NKAIN2: variants seen among roughly 807,000 people sequenced by gnomAD.
The protein encoded by NKAIN2 is sodium/potassium transporting ATPase interacting 2.
A neutral mutation model predicts 32.6 loss-of-function variants in NKAIN2; 14 were observed. The observed-to-expected ratio is 0.43, with a 90% confidence interval of 0.28 to 0.67. The LOEUF (loss-of-function observed/expected upper bound fraction) is 0.67, where lower values mean the gene tolerates loss of function less well. Ranked by LOEUF, NKAIN2 falls within the 30% of genes least tolerant of loss-of-function variation. The pLI, the probability that NKAIN2 is intolerant of heterozygous loss-of-function variation, is 0.17. For missense variants in NKAIN2, 198 were observed against 258.3 expected, an observed-to-expected ratio of 0.77 and a Z score of 1.60; for synonymous variants, 80 against 87.2, an observed-to-expected ratio of 0.92 and a Z score of 0.46.
At chr6:124,101,107 T>C (rs1277955699) in intron 1 of NKAIN2, among the ~76,000 whole-genome samples, 1 of 152,176 alleles carries the variant, frequency 6.6e-6, no homozygotes, top group Non-Finnish European at 1.5e-5. Context: ...TATGTATGTA[T>C]TTCAAAAAGC....
chr6:124,348,925 A>G (rs79086975), intron 2 of NKAIN2, among the ~76,000 whole-genome samples: 3,654 of 152,116 alleles, frequency 0.024, 88 homozygotes, highest in Non-Finnish European at 0.034. Flanking sequence ...GGCTTAAAAA[A>G]CGGTGCACCA....
At chr6:124,689,999 G>A (rs140985182) in intron 4 of NKAIN2, among the ~76,000 whole-genome samples, 12 of 152,112 alleles carry the variant, frequency 7.9e-5, no homozygotes, top group African/African-American at 2.7e-4. Context: ...ATAATGTGCT[G>A]GCATTTCTAT....
At chr6:124,426,107 T>C (rs1048773832) in intron 3 of NKAIN2, among the ~76,000 whole-genome samples, 35 of 152,204 alleles carry the variant, frequency 2.3e-4, no homozygotes, top group Non-Finnish European at 4.4e-4. Flanking sequence ...ATGTAGCTGA[T>C]TGTATTTTCC....
In NKAIN2 at chr6:124,824,776, A is replaced by G. The variant is rs1781523454; in HGVS notation, c.*1547A>G. 1 of 152,220 alleles carries G rather than the reference A, an allele frequency of 6.6e-6. No homozygotes were observed. The highest frequency in any genetic ancestry group is 6.5e-5 in the Admixed American group (1 of 15,280). The allele number at this position is 152,220 out of a possible 1,614,324, so 9.4% of individuals were successfully genotyped here. ...GGAGCAAGTTTTTTCTTTGATTTCT[A>G]TGAAGTTTCAGTTATTGGATTAAAC... On this transcript the variant is annotated 3_prime_UTR_variant, in exon 7 of 7. Coordinates refer to ENST00000368417, the MANE Select transcript of NKAIN2 (RefSeq NM_001040214.3).
At chr6:124,350,932 T>C (rs2115127620) in intron 2 of NKAIN2, among the ~76,000 whole-genome samples, 1 of 152,228 alleles carries the variant, frequency 6.6e-6, no homozygotes, top group Admixed American at 6.5e-5. Flanking sequence ...AAGGCTGCAG[T>C]GAGCTATGAT....
chr6:124,009,494 C>T (rs1562306149), intron 1 of NKAIN2, among the ~76,000 whole-genome samples: 2 of 152,208 alleles, frequency 1.3e-5, no homozygotes, highest in Non-Finnish European at 1.5e-5. Context: ...TGGCGGCTTA[C>T]GATGTGGCAG....
At chr6:123,847,045 A>G (rs191386231) in intron 1 of NKAIN2, among the ~76,000 whole-genome samples, 3 of 152,340 alleles carry the variant, frequency 2.0e-5, no homozygotes, top group Admixed American at 1.3e-4. Flanking sequence ...TCAGAATTTT[A>G]TGTCTTGGTT....
intron 1 of NKAIN2, among the ~76,000 whole-genome samples, chr6:124,125,847 C>T (rs550857298): frequency 4.6e-5 from 7 of 152,258 alleles, no homozygotes; most frequent in African/African-American, 1.4e-4. Context: ...TTTCACCTCA[C>T]TACTCTCCCC....
chr6:123,929,922 A>G (rs909675081), intron 1 of NKAIN2, among the ~76,000 whole-genome samples: 7 of 152,208 alleles, frequency 4.6e-5, no homozygotes, highest in South Asian at 2.1e-4. Context: ...ATTTTGGAGC[A>G]TTTTGGATTT....
At chr6:124,780,482 A>G (rs1000220052) in intron 4 of NKAIN2, among the ~76,000 whole-genome samples, 1 of 152,188 alleles carries the variant, frequency 6.6e-6, no homozygotes, top group Non-Finnish European at 1.5e-5. Flanking sequence ...TTTGTTGGAC[A>G]GAGAAATGCC....
intron 3 of NKAIN2, among the ~76,000 whole-genome samples, chr6:124,449,746 A>G (rs554142043): frequency 4.4e-4 from 67 of 152,202 alleles, no homozygotes; most frequent in Non-Finnish European, 8.4e-4. Context: ...AGTTTTGTTG[A>G]AGGCATTTAG....
intron 2 of NKAIN2, among the ~76,000 whole-genome samples, chr6:124,331,775 A>G (rs1451467328): frequency 6.6e-6 from 1 of 152,206 alleles, no homozygotes; most frequent in African/African-American, 2.4e-5. Context: ...ATCCAAAACC[A>G]TGACCTCATT....
intron 1 of NKAIN2, among the ~76,000 whole-genome samples, chr6:123,892,688 T>A (rs551034770): frequency 6.6e-6 from 1 of 152,006 alleles, no homozygotes; most frequent in South Asian, 2.1e-4. Flanking sequence ...ACATACTTTT[T>A]AAATATTCAT....
chr6:124,037,572 A>G (rs1781660837), intron 1 of NKAIN2, among the ~76,000 whole-genome samples: 2 of 152,244 alleles, frequency 1.3e-5, no homozygotes, highest in African/African-American at 4.8e-5. Flanking sequence ...ATGGAATCAA[A>G]TTGGATTAAG....
At chr6:124,151,051 C>A (rs1787690055) in intron 1 of NKAIN2, among the ~76,000 whole-genome samples, 1 of 151,918 alleles carries the variant, frequency 6.6e-6, no homozygotes, top group Admixed American at 6.6e-5. Flanking sequence ...TTGAAATAAA[C>A]CCTTTGTCAT....
At chr6:124,368,345 T>A (rs1799610266) in intron 3 of NKAIN2, among the ~76,000 whole-genome samples, 1 of 152,176 alleles carries the variant, frequency 6.6e-6, no homozygotes, top group Non-Finnish European at 1.5e-5. Context: ...TTTCCCTGCA[T>A]AAGATCTAGA....
intron 5 of NKAIN2, among the ~76,000 whole-genome samples, chr6:124,814,958 A>C (rs1582572301): frequency 6.6e-6 from 1 of 151,890 alleles, no homozygotes; most frequent in Admixed American, 6.6e-5. Context: ...ATACTAATAA[A>C]CCTGAGTTTG....
chr6:124,656,933 G>A (rs1784559211), intron 3 of NKAIN2, among the ~76,000 whole-genome samples: 1 of 152,090 alleles, frequency 6.6e-6, no homozygotes, highest in Non-Finnish European at 1.5e-5. Context: ...ACTAGCTGCT[G>A]TGTTTCCTAG....
At position 123,968,558 on chromosome 6, in the gene NKAIN2, G is replaced by A. The variant is rs116196821; in HGVS notation, c.54+164304G>A. Among the ~76,000 whole-genome samples, 1,193 of 152,190 alleles carry A rather than the reference G, an allele frequency of 7.8e-3. 15 individuals carry two copies. The highest frequency in any genetic ancestry group is 0.026 in the African/African-American group (1,100 of 41,534). ...ATGTAGTGATTTTCCAAATCTCTGA[G>A]ATTCTTCATTTATTTCTGCCTGTAC... On this transcript the variant is annotated intron_variant, in intron 1 of 6. Transcript: ENST00000368417.
Sources: gnomAD v4.1 joint callset for allele counts (sites outside exome capture counted in the v4.1 genomes callset) on GRCh38, gnomAD v4.1.1 for gene constraint, MANE v1.5 for transcripts, NCBI Gene and HGNC (gene_info 2026-07-23, HGNC 2026-07-21) for gene names.